Variants in ADAMTSL1 observed in about 807,000 individuals in gnomAD.
The protein encoded by ADAMTSL1 is ADAMTS-like protein 1.
In ADAMTSL1, 126 loss-of-function variants were observed where a neutral mutation model predicts 201.8. The ratio of observed to expected loss-of-function variants is 0.62; its 90% CI spans 0.54 to 0.72. ADAMTSL1 has a LOEUF of 0.72. Among genes scored for constraint, ADAMTSL1 ranks in the 30% least tolerant of loss-of-function variants. The probability of loss-of-function intolerance (pLI) is 0.00; values close to 1 mark genes in which losing one functional copy is unlikely to be tolerated. For missense variants in ADAMTSL1, 2,679 were observed against 2,277.8 expected (o/e 1.18, Z -3.59); for synonymous variants, 1,121 against 903.4 (o/e 1.24, Z -4.32).
rs1440483712 is a variant in ADAMTSL1 at position 18,310,399 on chromosome 9, A to AAAAAAAAAAAAAAAAAAAAAAAAAAAC, written c.207+146418_207+146419insAAAAAAAAAAAAAAAAAAAAAAAAAAC. Among the ~76,000 whole-genome samples, 5 of 127,322 alleles carry AAAAAAAAAAAAAAAAAAAAAAAAAAAC rather than the reference A, an allele frequency of 3.9e-5. 1 individual carries two copies. Among genetic ancestry groups the AAAAAAAAAAAAAAAAAAAAAAAAAAAC allele is most frequent in the Admixed American group, 1.6e-4 (2 of 12,186 alleles). The allele number at this position is 127,322 out of a possible 152,430, so 83.5% of individuals were successfully genotyped here. A position where few individuals can be genotyped will look rare whatever the true frequency, so the allele number is the denominator to read the frequency against. On this transcript the variant is annotated intron_variant, in intron 2 of 29. Transcript: ENST00000680146. The stretch of plus-strand genomic sequence containing the variant: ...AAAAAAAAAAAAAAAAAAAAAAAAA[A>AAAAAAAAAAAAAAAAAAAAAAAAAAAC]CTATCTTCAGAGTGAACAGGCAACC...
intron 26 of ADAMTSL1, among the ~76,000 whole-genome samples, chr9:18,900,832 G>A (rs1222362821): frequency 2.6e-5 from 4 of 152,106 alleles, no homozygotes; most frequent in Non-Finnish European, 4.4e-5. Flanking sequence ...AAAGGATTCT[G>A]GGCTTGATAC....
At chr9:18,458,728 CCTGAGTGACTTTAAAAGGCA>C (rs1472376489) in intron 2 of ADAMTSL1, among the ~76,000 whole-genome samples, 1 of 152,110 alleles carries the variant, frequency 6.6e-6, no homozygotes, top group African/African-American at 2.4e-5. Flanking sequence ...ATGACAAAAT[CCTGAGTGACTTTAAAAGGCA>C]CTGCTTCCCC....
chr9:18,019,858 GCATAGCTGAGAGTAGTGGA>G (rs1820408906), intron 1 of ADAMTSL1, among the ~76,000 whole-genome samples: 1 of 152,036 alleles, frequency 6.6e-6, no homozygotes, highest in Non-Finnish European at 1.5e-5. Flanking sequence ...AGCCTGGAGG[GCATAGCTGAGAGTAGTGGA>G]GAATTATTCT....
chr9:17,974,527 C>T (rs4355887), intron 1 of ADAMTSL1, among the ~76,000 whole-genome samples: 24,144 of 151,952 alleles, frequency 0.16, 2,483 homozygotes, highest in Middle Eastern at 0.26. Flanking sequence ...CCAATGTTCC[C>T]ACCCCTCAGC....
intron 2 of ADAMTSL1, among the ~76,000 whole-genome samples, chr9:18,407,932 A>G (rs1468876108): frequency 6.6e-6 from 1 of 152,214 alleles, no homozygotes; most frequent in African/African-American, 2.4e-5. Flanking sequence ...CTGCAATGTT[A>G]TAGGGGATGT....
In ADAMTSL1 at chr9:18,766,683, G is replaced by T. The variant is rs530031558; in HGVS notation, c.2218-3919G>T. Among the ~76,000 whole-genome samples the T allele has an allele frequency of 1.4e-4, 22 of 152,250 alleles. No individual in the cohort carries two copies. In the South Asian group the frequency reaches 4.4e-3, roughly 30 times the overall value. On this transcript the variant is annotated intron_variant, in intron 16 of 28. Transcript: ENST00000380548. ...ACCCTCTTTCTGGTTCATAGATGGT[G>T]CTCTGTAGCTGTGTCCTCCACATGA...
rs531250352 is a variant in ADAMTSL1 at position 18,833,801 on chromosome 9, C to T, written c.4249+3824C>T. On this transcript the variant is annotated intron_variant, in intron 23 of 28. Coordinates refer to ENST00000380548, the MANE Select transcript of ADAMTSL1 (RefSeq NM_001040272.6). ...TGAATGGCAATGCCGAGGTTGTCTT[C>T]TAGGGTTTTTACAGTCTTGGGTTTT... is the stretch of plus-strand genomic sequence containing the variant. Among the ~76,000 whole-genome samples, 466 of 152,182 alleles carry T rather than the reference C, an allele frequency of 3.1e-3. 4 individuals carry two copies. The highest frequency in any genetic ancestry group is 0.011 in the African/African-American group (441 of 41,532).
At chr9:18,600,882 A>G (rs535333360) in intron 4 of ADAMTSL1, among the ~76,000 whole-genome samples, 10 of 152,206 alleles carry the variant, frequency 6.6e-5, no homozygotes, top group African/African-American at 2.4e-4. Flanking sequence ...TCTTGGAACT[A>G]TACATCTCAT....
intron 15 of ADAMTSL1, among the ~76,000 whole-genome samples, chr9:18,729,063 A>G (rs1204049214): frequency 2.0e-5 from 3 of 152,104 alleles, no homozygotes; most frequent in Admixed American, 6.5e-5. Flanking sequence ...ACATTTTTTC[A>G]TTGAAAAATT....
At position 18,590,574 on chromosome 9, in the gene ADAMTSL1, CT is replaced by C. The variant is rs530316387; in HGVS notation, c.474+16316del. On this transcript the variant is annotated intron_variant, in intron 4 of 28. Coordinates refer to ENST00000380548, the MANE Select transcript of ADAMTSL1 (RefSeq NM_001040272.6). ...CTACTAATTTAGGGTTTAGTTTGTT[CT>C]TTTTTTTCTAATTCCTTGAGATGCA... 6.5e-4 allele frequency among the ~76,000 whole-genome samples: 98 copies of C among 151,496 alleles called. 5 individuals are homozygous for C. In the South Asian group the frequency reaches 0.019, roughly 29 times the overall value.
chr9:18,074,480 TC>T (rs1823108178), intron 1 of ADAMTSL1, among the ~76,000 whole-genome samples: 1 of 59,162 alleles, frequency 1.7e-5, no homozygotes, highest in East Asian at 4.0e-4. Flanking sequence ...TGTTTTCTTT[TC>T]TTTTCTTTTC....
At chr9:18,144,940 C>T (rs1315159300) in intron 1 of ADAMTSL1, among the ~76,000 whole-genome samples, 3 of 152,140 alleles carry the variant, frequency 2.0e-5, no homozygotes, top group African/African-American at 7.2e-5. Flanking sequence ...ATCTTTGGAG[C>T]TGTCAGGTCA....
intron 1 of ADAMTSL1, among the ~76,000 whole-genome samples, chr9:18,095,405 C>CTTCTTTCT (rs1215943959): frequency 1.5e-5 from 2 of 129,952 alleles, no homozygotes; most frequent in Admixed American, 7.9e-5. Flanking sequence ...TGATAAGTTT[C>CTTCTTTCT]TTCTTTCTTT....
chr9:18,739,041 G>C (rs140322889), intron 15 of ADAMTSL1, among the ~76,000 whole-genome samples: 1 of 152,026 alleles, frequency 6.6e-6, no homozygotes, highest in Non-Finnish European at 1.5e-5. Context: ...ATGTGAACTC[G>C]GCCAAGTTAC....
intron 2 of ADAMTSL1, among the ~76,000 whole-genome samples, chr9:18,399,922 A>T (rs1441284543): frequency 6.6e-6 from 1 of 152,150 alleles, no homozygotes; most frequent in Admixed American, 6.5e-5. Flanking sequence ...GACTGTGTTT[A>T]TACATCAAAA....
In ADAMTSL1 at chr9:18,777,048, C is replaced by T. The variant is rs1340218977; in HGVS notation, c.2819C>T (p.Ser940Leu). The part of the protein sequence containing the change: ...GYLKIHRLKP[S>L]DAGVYTCSAG... ...CTCAAGATCCACCGCCTCAAGCCCT[C>T]GGATGCAGGCGTCTACACCTGCTCA... Residue 940 changes from serine (S) to leucine (L), a missense_variant, in exon 19 of 29, where the codon TCG (serine) becomes TTG (leucine). Coordinates refer to ENST00000380548, the MANE Select transcript of ADAMTSL1 (RefSeq NM_001040272.6). 1.2e-6 allele frequency: 2 copies of T among 1,612,094 alleles called. No homozygotes were observed. Among genetic ancestry groups the T allele is most frequent in the East Asian group, 2.2e-5 (1 of 44,832 alleles).
At chr9:18,039,989 A>G (rs767541982) in intron 1 of ADAMTSL1, among the ~76,000 whole-genome samples, 3 of 152,230 alleles carry the variant, frequency 2.0e-5, no homozygotes, top group Non-Finnish European at 4.4e-5. Context: ...TGCAAAGGAT[A>G]GAATGACCAT....
chr9:18,877,202 G>A (rs569092799), intron 23 of ADAMTSL1, among the ~76,000 whole-genome samples: 2 of 152,112 alleles, frequency 1.3e-5, no homozygotes, highest in South Asian at 4.2e-4. Context: ...GTGCCTCCTT[G>A]AGTAACTTAA....
chr9:18,602,231 G>C (rs941185895), intron 4 of ADAMTSL1, among the ~76,000 whole-genome samples: 7 of 152,144 alleles, frequency 4.6e-5, no homozygotes, highest in African/African-American at 1.7e-4. Context: ...GGCTGGGAGT[G>C]CTCAGAAGTT....
Sources: gnomAD v4.1 joint callset for allele counts (sites outside exome capture counted in the v4.1 genomes callset) on GRCh38, gnomAD v4.1.1 for gene constraint, MANE v1.5 for transcripts, NCBI Gene and HGNC (gene_info 2026-07-23, HGNC 2026-07-21) for gene names.